The following DMD variants were observed in gnomAD, a reference collection of about 807,000 sequenced individuals.
DMD encodes mutant dystrophin.
DMD carries 63 observed loss-of-function variants against 330.1 expected under a neutral mutation model. That is an observed-to-expected ratio of 0.19 (90% CI 0.16 to 0.24). The LOEUF (loss-of-function observed/expected upper bound fraction) is 0.24. Among genes scored for constraint, DMD ranks in the 10% least tolerant of loss-of-function variants. The pLI, the probability that DMD is intolerant of heterozygous loss-of-function variation, is 1.00. For synonymous variants in DMD, 1,223 were observed against 959.8 expected, an observed-to-expected ratio of 1.27 and a Z score of -5.07; for missense variants, 3,344 against 2,684.1, an observed-to-expected ratio of 1.25 and a Z score of -5.43.
At chrX:32,951,458 G>T (rs748876180) in intron 2 of DMD, among the ~76,000 whole-genome samples, 1 of 111,837 alleles carries the variant, frequency 8.9e-6, no homozygotes, top group Non-Finnish European at 1.9e-5. Flanking sequence ...TTCTGCAGCA[G>T]GTTAAGTGGG....
chrX:32,184,320 T>A (rs1402216056), intron 44 of DMD, among the ~76,000 whole-genome samples: 2 of 111,033 alleles, frequency 1.8e-5, no homozygotes, highest in Admixed American at 1.9e-4. Flanking sequence ...AAAATACATC[T>A]CTTAATAAGA....
At chrX:32,070,294 C>G (rs1179694437) in intron 44 of DMD, among the ~76,000 whole-genome samples, 1 of 110,936 alleles carries the variant, frequency 9.0e-6, no homozygotes, top group African/African-American at 3.3e-5. Context: ...GCATCTGGGG[C>G]TCACAAAACC....
chrX:31,717,455 T>C (rs188722973), intron 52 of DMD, among the ~76,000 whole-genome samples: 43 of 112,126 alleles, frequency 3.8e-4, no homozygotes, highest in Non-Finnish European at 6.9e-4. Flanking sequence ...TAACCTGCTG[T>C]CCTAAAACTC....
At chrX:33,328,614 CTA>C (rs768903160) in intron 1 of DMD, among the ~76,000 whole-genome samples, 2 of 111,485 alleles carry the variant, frequency 1.8e-5, no homozygotes, top group Admixed American at 1.9e-4. Context: ...ATTAAAATTA[CTA>C]TGTCACGCAT....
chrX:32,586,057 T>C (rs2054259692), intron 13 of DMD, among the ~76,000 whole-genome samples: 1 of 111,548 alleles, frequency 9.0e-6, no homozygotes, highest in Non-Finnish European at 1.9e-5. Context: ...CATTTATTTA[T>C]ACTTGATACA....
intron 41 of DMD, among the ~76,000 whole-genome samples, chrX:32,335,862 CGTTATATGT>C (rs1177355205): frequency 9.7e-6 from 1 of 103,411 alleles, no homozygotes; most frequent in East Asian, 3.8e-4. Context: ...TTATATTCAA[CGTTATATGT>C]GTATAACATG....
At chrX:31,983,035 ATGT>A (rs961269551) in intron 44 of DMD, among the ~76,000 whole-genome samples, 3 of 108,494 alleles carry the variant, frequency 2.8e-5, no homozygotes, top group Non-Finnish European at 3.8e-5. Flanking sequence ...CTAGGGAGAA[ATGT>A]TGTTAAAAAT....
chrX:32,455,303 G>A (rs1164484369), intron 25 of DMD, among the ~76,000 whole-genome samples: 1 of 111,205 alleles, frequency 9.0e-6, no homozygotes, highest in Non-Finnish European at 1.9e-5. Flanking sequence ...TGCATAAAAC[G>A]TAGTTTGGCA....
At chrX:31,951,265 G>C (rs994342522) in intron 45 of DMD, among the ~76,000 whole-genome samples, 1 of 103,123 alleles carries the variant, frequency 9.7e-6, no homozygotes, top group Non-Finnish European at 2.0e-5. Context: ...ATGAAACAAA[G>C]TTTTGGCTGT....
intron 52 of DMD, among the ~76,000 whole-genome samples, chrX:31,711,312 C>G (rs185311131): frequency 2.0e-3 from 224 of 111,450 alleles, no homozygotes; most frequent in African/African-American, 6.7e-3. Flanking sequence ...TGTACCCCCT[C>G]CCATCTAAAA....
At chrX:33,294,038 A>C (rs1468628130) in intron 1 of DMD, among the ~76,000 whole-genome samples, 1 of 111,340 alleles carries the variant, frequency 9.0e-6, no homozygotes, top group Non-Finnish European at 1.9e-5. Flanking sequence ...AGTAAAAAGA[A>C]GAAGAGAATC....
chrX:33,300,661 C>T, intron 1 of DMD, among the ~76,000 whole-genome samples: 1 of 111,548 alleles, frequency 9.0e-6, no homozygotes, highest in Non-Finnish European at 1.9e-5. Context: ...GCCCAAGAGG[C>T]CTTGGAAGCT....
chrX:32,050,974 C>CTTTTTTTTTTTTT lies in DMD; in HGVS notation c.6439-82473_6439-82461dup, dbSNP rs761835866. Among the ~76,000 whole-genome samples the CTTTTTTTTTTTTT allele has an allele frequency of 2.0e-3, 153 of 78,097 alleles. 10 individuals are homozygous for CTTTTTTTTTTTTT. The highest frequency in any genetic ancestry group is 0.013 in the Middle Eastern group (2 of 149). 67.8% of individuals were successfully genotyped at this position (78,097 alleles called of 115,157 possible). A position where few individuals can be genotyped will look rare whatever the true frequency, so the allele number is the denominator to read the frequency against. The stretch of plus-strand genomic sequence containing the variant: ...TTACATTGCCTCAGGCTAACTTCCT[C>CTTTTTTTTTTTTT]TTTTTTTTTTTTTCCCCCTAATAGA... On this transcript the variant is annotated intron_variant, in intron 44 of 78. Coordinates refer to ENST00000357033, the MANE Select transcript of DMD (RefSeq NM_004006.3).
chrX:31,569,662 A>ATATACACGTATATACGTG (rs1168500186), intron 55 of DMD, among the ~76,000 whole-genome samples: 18 of 90,552 alleles, frequency 2.0e-4, no homozygotes, highest in African/African-American at 6.9e-4. Context: ...ATATATACGT[A>ATATACACGTATATACGTG]TATATACGTA....
rs750480870 is a variant in DMD at position 33,230,125 on chromosome X, CCAT to C, written c.7+109131_7+109133del. On this transcript the variant is annotated intron_variant, in intron 1 of 17. Coordinates refer to the DMD transcript ENST00000288447. ...CTAAACGACTATAGCTAAATATACACCATATGTGTATGATGTTGAAATAATTTT... is the reference window on the plus strand; with the variant it reads ...CTAAACGACTATAGCTAAATATACACATGTGTATGATGTTGAAATAATTTT... 6.2e-4 allele frequency among the ~76,000 whole-genome samples: 69 copies of C among 110,451 alleles called. 1 individual carries two copies. The highest frequency in any genetic ancestry group is 3.8e-4 in the Admixed American group (4 of 10,525).
chrX:32,614,249 C>T, intron 12 of DMD, 54 bp downstream of exon 12: 2 of 1,145,594 alleles, frequency 1.7e-6, no homozygotes, highest in Non-Finnish European at 2.4e-6. Context: ...TGTATAGGTA[C>T]TATACACAGA....
chrX:32,239,103 G>A (rs954911625), intron 43 of DMD, among the ~76,000 whole-genome samples: 4 of 111,486 alleles, frequency 3.6e-5, no homozygotes, highest in Admixed American at 9.6e-5. Flanking sequence ...TTCCTCTTGC[G>A]TCACTCTTCA....
intron 55 of DMD, among the ~76,000 whole-genome samples, chrX:31,587,960 G>A (rs764556143): frequency 7.2e-5 from 8 of 110,871 alleles, no homozygotes; most frequent in Non-Finnish European, 1.3e-4. Flanking sequence ...CCTCACCAGC[G>A]GCATCAAAAT....
At chrX:32,584,546 T>G (rs113727006) in intron 13 of DMD, among the ~76,000 whole-genome samples, 3 of 112,046 alleles carry the variant, frequency 2.7e-5, no homozygotes, top group African/African-American at 9.7e-5. Context: ...ACAGAATATG[T>G]AAAATGTGGT....
Sources: allele counts gnomAD v4.1 joint callset (sites outside exome capture counted in the v4.1 genomes callset), GRCh38; gene constraint gnomAD v4.1.1; transcripts MANE v1.5; gene names NCBI Gene and HGNC (gene_info 2026-07-23, HGNC 2026-07-21).